The following GRID1 variants were observed in gnomAD, a reference collection of about 807,000 sequenced individuals.
GRID1 encodes glutamate ionotropic receptor delta type subunit 1.
GRID1 carries 28 observed loss-of-function variants against 98.0 expected under a neutral mutation model. The observed-to-expected ratio is 0.29, with a 90% confidence interval of 0.21 to 0.39. The LOEUF is 0.39. Ranked by LOEUF, GRID1 falls within the 10% of genes least tolerant of loss-of-function variation. The pLI, the probability that GRID1 is intolerant of heterozygous loss-of-function variation, is 1.00. For synonymous variants in GRID1, 553 were observed against 538.5 expected (o/e 1.03, Z -0.37); for missense variants, 1,111 against 1,340.5 (o/e 0.83, Z 2.67).
chr10:85,973,045 A>G (rs1842427379), intron 4 of GRID1, among the ~76,000 whole-genome samples: 1 of 152,220 alleles, frequency 6.6e-6, no homozygotes, highest in Admixed American at 6.5e-5. Flanking sequence ...ACATAGGGCC[A>G]GGCACAGAGC....
chr10:86,275,925 T>C (rs961771900), intron 2 of GRID1, among the ~76,000 whole-genome samples: 1 of 152,024 alleles, frequency 6.6e-6, no homozygotes, highest in Non-Finnish European at 1.5e-5. Flanking sequence ...ATCCAAAGAG[T>C]TCAGTGAACT....
At chr10:85,619,822 C>T (rs772413590) in intron 14 of GRID1, 45 bp downstream of exon 14, 1 of 1,501,440 alleles carries the variant, frequency 6.7e-7, no homozygotes, top group Admixed American at 1.7e-5. Flanking sequence ...CCCTTGACCA[C>T]TAGAGTCCTG....
chr10:85,642,056 C>T (rs940721820), intron 13 of GRID1, among the ~76,000 whole-genome samples: 5 of 152,160 alleles, frequency 3.3e-5, no homozygotes, highest in African/African-American at 4.8e-5. Context: ...AGGCAATGTC[C>T]CTGGGTTGCC....
At chr10:86,136,503 G>C (rs1844926903) in intron 4 of GRID1, among the ~76,000 whole-genome samples, 1 of 152,208 alleles carries the variant, frequency 6.6e-6, no homozygotes, top group African/African-American at 2.4e-5. Context: ...CAATGCCTAA[G>C]TGGCTATTTG....
At chr10:86,159,868 T>A (rs1167562743) in intron 3 of GRID1, among the ~76,000 whole-genome samples, 2 of 152,148 alleles carry the variant, frequency 1.3e-5, no homozygotes, top group Non-Finnish European at 2.9e-5. Flanking sequence ...GAGAATTAAA[T>A]CTACATTCAA....
chr10:85,644,645 T>A (rs1475323989), intron 13 of GRID1, among the ~76,000 whole-genome samples: 3 of 152,206 alleles, frequency 2.0e-5, no homozygotes, highest in African/African-American at 7.2e-5. Flanking sequence ...TGGCCTTTCT[T>A]GTCTCCAAAA....
chr10:85,907,155 A>G (rs1413893095), intron 5 of GRID1, among the ~76,000 whole-genome samples: 1 of 152,182 alleles, frequency 6.6e-6, no homozygotes, highest in Non-Finnish European at 1.5e-5. Flanking sequence ...TCTGTTGCCC[A>G]GGTTGGAGTG....
intron 4 of GRID1, among the ~76,000 whole-genome samples, chr10:86,114,351 G>C (rs1224942942): frequency 6.6e-6 from 1 of 152,166 alleles, no homozygotes; most frequent in East Asian, 1.9e-4. Flanking sequence ...GACAGGGAAG[G>C]CAGTGGAGAG....
At chr10:85,846,831 T>C (rs2131775267) in intron 8 of GRID1, among the ~76,000 whole-genome samples, 1 of 152,292 alleles carries the variant, frequency 6.6e-6, no homozygotes, top group South Asian at 2.1e-4. Flanking sequence ...TTGCTAAAAA[T>C]GATTAAATGA....
chr10:85,958,592 T>C (rs957562104), intron 4 of GRID1, among the ~76,000 whole-genome samples: 2 of 152,176 alleles, frequency 1.3e-5, no homozygotes, highest in African/African-American at 4.8e-5. Flanking sequence ...AATCAGTAAC[T>C]AAGTAAGGTA....
intron 4 of GRID1, among the ~76,000 whole-genome samples, chr10:86,092,352 T>C (rs1465729141): frequency 6.6e-6 from 1 of 152,074 alleles, no homozygotes; most frequent in East Asian, 1.9e-4. Flanking sequence ...GTCTCAGCAA[T>C]AGAACTGAAA....
intron 15 of GRID1, among the ~76,000 whole-genome samples, chr10:85,610,607 G>A (rs1488333493): frequency 6.6e-6 from 1 of 152,324 alleles, no homozygotes; most frequent in East Asian, 1.9e-4. Context: ...CCCTGGCTGG[G>A]CTGGATGTCC....
chr10:86,305,054 A>C (rs1411906322), intron 2 of GRID1, among the ~76,000 whole-genome samples: 1 of 152,064 alleles, frequency 6.6e-6, no homozygotes, highest in Admixed American at 6.5e-5. Context: ...GATTCTGAGT[A>C]AAGCAGATTA....
chr10:85,599,802 A>AAATATAT lies in GRID1; in HGVS notation c.*2470_*2471insATATATT. ...GTAGAAAATTCTAAAAAAAAAAAAAAATATATATATATATATATAAACATG... is the reference window on the plus strand; with the variant it reads ...GTAGAAAATTCTAAAAAAAAAAAAAAAATATATATATATATATATATATATAAACATG... On this transcript the variant is annotated 3_prime_UTR_variant, in exon 16 of 16. Coordinates refer to ENST00000327946, the MANE Select transcript of GRID1 (RefSeq NM_017551.3). 2.3e-3 allele frequency: 147 copies of AAATATAT among 64,982 alleles called. 8 individuals carry two copies. The highest frequency in any genetic ancestry group is 0.011 in the African/African-American group (122 of 10,728). The allele number at this position is 64,982 out of a possible 1,614,324, so 4.0% of individuals were successfully genotyped here. A position where few individuals can be genotyped will look rare whatever the true frequency, so the allele number is the denominator to read the frequency against.
chr10:85,629,972 AT>A (rs1842957404), intron 13 of GRID1, among the ~76,000 whole-genome samples: 1 of 151,934 alleles, frequency 6.6e-6, no homozygotes, highest in Admixed American at 6.6e-5. Flanking sequence ...GATGTTGTGC[AT>A]TTTTTTCATA....
At chr10:86,025,145 A>C (rs1843100326) in intron 4 of GRID1, among the ~76,000 whole-genome samples, 1 of 152,232 alleles carries the variant, frequency 6.6e-6, no homozygotes, top group Non-Finnish European at 1.5e-5. Context: ...GTCAGTCCAC[A>C]GAGGCTGGAC....
At chr10:86,219,981 G>A (rs917188433) in intron 2 of GRID1, among the ~76,000 whole-genome samples, 4 of 152,208 alleles carry the variant, frequency 2.6e-5, no homozygotes, top group South Asian at 2.1e-4. Flanking sequence ...CCAGAGCCTG[G>A]GTTGGTCATG....
At chr10:86,363,491 G>C (rs1848630483) in intron 2 of GRID1, among the ~76,000 whole-genome samples, 1 of 152,208 alleles carries the variant, frequency 6.6e-6, no homozygotes, top group Non-Finnish European at 1.5e-5. Flanking sequence ...GAGACAGGTC[G>C]GGCTCCAGCC....
chr10:85,941,686 T>C (rs192850482), intron 4 of GRID1, among the ~76,000 whole-genome samples: 1 of 152,244 alleles, frequency 6.6e-6, no homozygotes, highest in African/African-American at 2.4e-5. Flanking sequence ...TGTTTTTCTG[T>C]GCCTATCTAA....
Sources: gnomAD v4.1 joint callset for allele counts (sites outside exome capture counted in the v4.1 genomes callset) on GRCh38, gnomAD v4.1.1 for gene constraint, MANE v1.5 for transcripts, NCBI Gene and HGNC (gene_info 2026-07-23, HGNC 2026-07-21) for gene names.